Variants in ARFGEF1 observed in about 807,000 individuals in gnomAD.
ARFGEF1 encodes the protein brefeldin A-inhibited guanine nucleotide-exchange protein 1.
Under a neutral mutation model 231.0 loss-of-function variants are expected in ARFGEF1, and 42 were observed. The observed-to-expected ratio is 0.18, with a 90% confidence interval of 0.14 to 0.24. ARFGEF1 has a LOEUF of 0.24. ARFGEF1 is among the 10% of genes least tolerant of loss of function. ARFGEF1 has a pLI of 1.00. For missense variants in ARFGEF1, 1,345 were observed against 2,192.0 expected, an observed-to-expected ratio of 0.61 and a Z score of 7.72; for synonymous variants, 710 against 732.3, an observed-to-expected ratio of 0.97 and a Z score of 0.49.
chr8:67,296,394 G>T (rs1563897142), intron 5 of ARFGEF1, 37 bp downstream of exon 5: 2 of 1,589,112 alleles, frequency 1.3e-6, no homozygotes, highest in South Asian at 1.1e-5. Flanking sequence ...AATGCCTGTT[G>T]TGTTCTATAC....
chr8:67,273,460 G>T, intron 9 of ARFGEF1, among the ~76,000 whole-genome samples: 1 of 136,872 alleles, frequency 7.3e-6, no homozygotes. Context: ...CCCAAATGCT[G>T]CTTTCAGTCA....
At chr8:67,210,148 C>G (rs1838676746) in intron 34 of ARFGEF1, among the ~76,000 whole-genome samples, 1 of 134,114 alleles carries the variant, frequency 7.5e-6, no homozygotes, top group Non-Finnish European at 1.6e-5. Context: ...GAGCAAGACT[C>G]CGTCTCAAAA....
intron 17 of ARFGEF1, among the ~76,000 whole-genome samples, chr8:67,254,826 T>TC (rs1840403714): frequency 6.6e-6 from 1 of 152,140 alleles, no homozygotes; most frequent in African/African-American, 2.4e-5. Context: ...ATGAAAGTTT[T>TC]CAAGTGTTTA....
intron 10 of ARFGEF1, among the ~76,000 whole-genome samples, 164 bp downstream of exon 10, chr8:67,271,538 T>C (rs752360335): frequency 6.6e-6 from 1 of 152,200 alleles, no homozygotes; most frequent in Admixed American, 6.5e-5. Flanking sequence ...GCCTAGTACT[T>C]CGTTGGCACA....
At chr8:67,330,362 C>T (rs1471454462) in intron 1 of ARFGEF1, among the ~76,000 whole-genome samples, 9 of 152,078 alleles carry the variant, frequency 5.9e-5, no homozygotes, top group Non-Finnish European at 1.2e-4. Context: ...ACAAAAGAAC[C>T]TTTCCTTCTA....
intron 22 of ARFGEF1, among the ~76,000 whole-genome samples, chr8:67,234,780 C>T (rs1293174837): frequency 1.3e-5 from 2 of 151,962 alleles, no homozygotes; most frequent in Non-Finnish European, 2.9e-5. Flanking sequence ...GGAGAACATA[C>T]TGAAATAGGA....
At chr8:67,327,945 G>C (rs1807915286) in intron 1 of ARFGEF1, among the ~76,000 whole-genome samples, 1 of 151,980 alleles carries the variant, frequency 6.6e-6, no homozygotes, top group Non-Finnish European at 1.5e-5. Context: ...ATTATAAACA[G>C]CAAAATGATG....
rs538963235 is a variant in ARFGEF1, at chr8:67,326,420, A to C, written c.124+16744T>G. Among the ~76,000 whole-genome samples the C allele has an allele frequency of 3.5e-3, 529 of 152,142 alleles. 2 individuals are homozygous for C. Among genetic ancestry groups the C allele is most frequent in the Non-Finnish European group, 4.2e-3 (286 of 68,008 alleles). On this transcript the variant is annotated intron_variant, in intron 1 of 38. Coordinates refer to ENST00000262215, the MANE Select transcript of ARFGEF1 (RefSeq NM_006421.5). ...TTCTACAAACATTAAAACAACCTAT[A>C]CTCTTGAATTAGCTTTCCATACCTT...
chr8:67,199,423 G>C (rs775130410), intron 38 of ARFGEF1: 7 of 205,116 alleles, frequency 3.4e-5, no homozygotes, highest in Non-Finnish European at 4.8e-5. Context: ...TATAAGCTAT[G>C]GGTTACTGAA....
chr8:67,246,894 T>C (rs1184826803), intron 19 of ARFGEF1, among the ~76,000 whole-genome samples: 6 of 149,692 alleles, frequency 4.0e-5, no homozygotes. Context: ...TAAATAAAAT[T>C]AGAGATGAAA....
intron 29 of ARFGEF1, among the ~76,000 whole-genome samples, chr8:67,222,227 A>ATG (rs1554636859): frequency 0.027 from 3,126 of 115,136 alleles, 61 homozygotes; most frequent in Non-Finnish European, 0.033. Flanking sequence ...ATATATATGT[A>ATG]TATGTATGTA....
In ARFGEF1 at chr8:67,216,616, G is replaced by T; in HGVS notation, c.4660C>A (p.Pro1554Thr). The change falls in exon 33 of 39, where the codon CCA becomes ACA. Residue 1554 changes from proline to threonine, a missense_variant. Physicochemically the swap from Pro to Thr is conservative, Grantham distance 38. This residue lies in a region of ARFGEF1 where 89 missense variants were observed against 74.8 expected (regional missense o/e 1.19). Coordinates refer to ENST00000262215, the MANE Select transcript of ARFGEF1 (RefSeq NM_006421.5). ...AATGGCTTTTCACTTACAGGAGATG[G>T]AGGTGGGGGGGCAGTTTCTCCAGAA... ...PNSGETAPPP[P>T]SPVSEKPLDT... 1 of 1,605,734 alleles carries T rather than the reference G, an allele frequency of 6.2e-7. No individual in the cohort carries two copies. Among genetic ancestry groups the T allele is most frequent in the Non-Finnish European group, 8.5e-7 (1 of 1,177,700 alleles).
intron 29 of ARFGEF1, 78 bp from the exon 30 acceptor site, chr8:67,219,638 A>G (rs1839079026): frequency 7.0e-7 from 1 of 1,433,200 alleles, no homozygotes; most frequent in Non-Finnish European, 9.3e-7. Context: ...AGAGTTCACA[A>G]AGCAGTTAAA....
chr8:67,314,048 G>A (rs888065272), intron 1 of ARFGEF1, among the ~76,000 whole-genome samples: 3 of 152,062 alleles, frequency 2.0e-5, no homozygotes, highest in African/African-American at 7.2e-5. Flanking sequence ...CGAAGTGGGG[G>A]AAAGCCAGCA....
intron 5 of ARFGEF1, among the ~76,000 whole-genome samples, chr8:67,183,843 ATTTTTTTTTTT>A (rs918103972): frequency 1.5e-4 from 16 of 108,214 alleles, no homozygotes; most frequent in Admixed American, 6.2e-4. Context: ...AAAATTGGGA[ATTTTTTTTTTT>A]TTTTTTTTTT....
chr8:67,219,098 C>T (rs1057513696), intron 30 of ARFGEF1, among the ~76,000 whole-genome samples: 1 of 152,136 alleles, frequency 6.6e-6, no homozygotes, highest in East Asian at 1.9e-4. Flanking sequence ...TCCCAAGTAG[C>T]TGGGACTACA....
intron 8 of ARFGEF1, 42 bp from the exon 9 acceptor site, chr8:67,276,151 C>A (rs778947270): frequency 6.2e-7 from 1 of 1,605,564 alleles, no homozygotes; most frequent in South Asian, 1.1e-5. Context: ...GAGATATTTG[C>A]CAGTGTAAAA....
intron 22 of ARFGEF1, among the ~76,000 whole-genome samples, chr8:67,237,814 T>C (rs910073598): frequency 6.6e-6 from 1 of 152,196 alleles, no homozygotes; most frequent in Admixed American, 6.5e-5. Context: ...TCTTCCCTGG[T>C]GGAACTCCTT....
chr8:67,267,537 G>A (rs1804897306), intron 10 of ARFGEF1, 95 bp from the exon 11 acceptor site: 5 of 749,034 alleles, frequency 6.7e-6, no homozygotes, highest in Middle Eastern at 3.9e-4. Context: ...GCAGGTATTA[G>A]GACCCAGGCT....
Sources: gnomAD v4.1 joint callset for allele counts (sites outside exome capture counted in the v4.1 genomes callset) on GRCh38, gnomAD v4.1.1 for gene constraint, gnomAD v4.1.1 regional missense constraint, MANE v1.5 for transcripts, NCBI Gene and HGNC (gene_info 2026-07-23, HGNC 2026-07-21) for gene names.